The following PIBF1 variants were observed in gnomAD, a reference collection of about 807,000 sequenced individuals.
The protein encoded by PIBF1 is progesterone-induced-blocking factor 1.
A neutral mutation model predicts 112.5 loss-of-function variants in PIBF1; 90 were observed. The ratio of observed to expected loss-of-function variants is 0.80; its 90% confidence interval spans 0.67 to 0.95. PIBF1 has a LOEUF of 0.95. Among genes scored for constraint, PIBF1 ranks in the 40% least tolerant of loss-of-function variants. The pLI, the probability that PIBF1 is intolerant of heterozygous loss-of-function variation, is 0.00. For synonymous variants in PIBF1, 301 were observed against 288.6 expected (o/e 1.04, Z -0.44); for missense variants, 915 against 852.3 (o/e 1.07, Z -0.92).
Position 72,933,256 on chromosome 13 carries a change from G to A in PIBF1, c.1833+1989G>A, listed in dbSNP as rs573358746. 8.5e-5 allele frequency among the ~76,000 whole-genome samples: 13 copies of A among 152,336 alleles called. 1 individual carries two copies. The South Asian group carries it at 1.9e-3, about 22-fold the overall frequency. On this transcript the variant is annotated intron_variant, in intron 14 of 17. Transcript: ENST00000326291. Reference sequence around the variant, plus strand: ...TTGAAATAAGAATTTCTAAATGTGGGCTGGATGCAGTGGCTCATGCCTATT... The same window carrying A: ...TTGAAATAAGAATTTCTAAATGTGGACTGGATGCAGTGGCTCATGCCTATT...
intron 16 of PIBF1, among the ~76,000 whole-genome samples, chr13:72,991,014 G>A (rs771880470): frequency 5.3e-5 from 8 of 152,150 alleles, no homozygotes; most frequent in Non-Finnish European, 1.0e-4. Context: ...ATTTACCAGT[G>A]GAGCACATAG....
intron 9 of PIBF1, 116 bp downstream of exon 9, chr13:72,835,484 CT>C: frequency 1.4e-6 from 1 of 720,744 alleles, no homozygotes. Context: ...TTAGAGAAAA[CT>C]TGTCATAAAT....
At chr13:72,860,251 T>C (rs1232077885) in intron 10 of PIBF1, among the ~76,000 whole-genome samples, 2 of 151,800 alleles carry the variant, frequency 1.3e-5, no homozygotes, top group East Asian at 3.9e-4. Context: ...CACAAGCTAA[T>C]TTTGAGGATA....
Position 72,893,914 on chromosome 13 carries a change from C to A in PIBF1, c.1453C>A (p.Gln485Lys), listed in dbSNP as rs539010725. Residue 485 changes from glutamine (Q) to lysine (K), a missense_variant, in exon 11 of 18, where the codon CAA (glutamine) becomes AAA (lysine). By Grantham distance (53) the Gln-to-Lys change is moderately conservative (BLOSUM62 1). Coordinates refer to ENST00000326291, the MANE Select transcript of PIBF1 (RefSeq NM_006346.4). The stretch of plus-strand genomic sequence containing the variant: ...AACAGCAAGAAATCTCACACAGTGT[C>A]AATTGGAATGTGAAAAATATCAGAA... ...EETARNLTQCQLECEKYQKKL... is the reference protein window; with the variant it reads ...EETARNLTQCKLECEKYQKKL... The A allele has an allele frequency of 2.5e-6, 4 of 1,605,276 alleles. No homozygotes were observed. In the Admixed American group the frequency reaches 6.8e-5, roughly 27 times the overall value.
intron 2 of PIBF1, among the ~76,000 whole-genome samples, chr13:72,784,684 G>A (rs992097165): frequency 4.6e-5 from 7 of 151,740 alleles, no homozygotes; most frequent in African/African-American, 1.5e-4. Flanking sequence ...ACTTGAATCC[G>A]GGGGCAGACA....
intron 13 of PIBF1, among the ~76,000 whole-genome samples, chr13:72,929,248 C>T (rs994153536): frequency 6.6e-6 from 1 of 152,140 alleles, no homozygotes; most frequent in African/African-American, 2.4e-5. Flanking sequence ...TAAACTGATG[C>T]TTGCAAACGT....
At chr13:72,972,455 G>A (rs1448330368) in intron 15 of PIBF1, among the ~76,000 whole-genome samples, 1 of 152,166 alleles carries the variant, frequency 6.6e-6, no homozygotes, top group Non-Finnish European at 1.5e-5. Context: ...CGTGAGGTCA[G>A]GAATTCGAGA....
chr13:72,918,439 G>A (rs2041175982), intron 13 of PIBF1, among the ~76,000 whole-genome samples: 1 of 145,350 alleles, frequency 6.9e-6, no homozygotes, highest in Non-Finnish European at 1.5e-5. Flanking sequence ...CAGGCCTGGA[G>A]TGCAATGGCA....
intron 5 of PIBF1, among the ~76,000 whole-genome samples, chr13:72,799,654 A>T (rs1004519196): frequency 2.6e-4 from 40 of 152,250 alleles, no homozygotes; most frequent in African/African-American, 9.6e-4. Context: ...GCCTTGGGCA[A>T]ATCATTTATA....
At chr13:72,782,818 G>A (rs1470836713) in intron 1 of PIBF1, among the ~76,000 whole-genome samples, 1 of 151,656 alleles carries the variant, frequency 6.6e-6, no homozygotes, top group Admixed American at 6.6e-5. Flanking sequence ...ATTGCCTGTA[G>A]AATAAAATCC....
At chr13:72,811,794 C>A (rs2036033121) in intron 5 of PIBF1, among the ~76,000 whole-genome samples, 1 of 152,056 alleles carries the variant, frequency 6.6e-6, no homozygotes. Context: ...CTTCACAAAC[C>A]TGTTAAGTTT....
chr13:72,784,171 T>C (rs2034463503), intron 2 of PIBF1, among the ~76,000 whole-genome samples: 1 of 150,902 alleles, frequency 6.6e-6, no homozygotes, highest in African/African-American at 2.5e-5. Context: ...CAAAACATTA[T>C]GTTGTACATG....
rs374331152 is a variant in PIBF1, at chr13:72,858,023, TTGTG to T, written c.1322+3900_1322+3903del. 7.9e-3 allele frequency among the ~76,000 whole-genome samples: 1,111 copies of T among 141,238 alleles called. 16 individuals are homozygous for T. Among genetic ancestry groups the T allele is most frequent in the African/African-American group, 7.9e-3 (295 of 37,518 alleles). The allele number at this position is 141,238 out of a possible 152,430, so 92.7% of individuals were successfully genotyped here. ...TACCTATCAGAAGTACAAATGTACA[TTGTG>T]TGTGTGTGTGTGTGTGTGTGTGTGT... On this transcript the variant is annotated intron_variant, in intron 10 of 17. Coordinates refer to ENST00000326291, the MANE Select transcript of PIBF1 (RefSeq NM_006346.4).
chr13:72,885,911 T>G (rs1474182823), intron 10 of PIBF1, among the ~76,000 whole-genome samples: 1 of 152,138 alleles, frequency 6.6e-6, no homozygotes, highest in Non-Finnish European at 1.5e-5. Context: ...ATGACTCTGG[T>G]TGCTGTATTC....
chr13:72,835,432 GA>G, intron 9 of PIBF1, 64 bp downstream of exon 9: 1 of 1,229,312 alleles, frequency 8.1e-7, no homozygotes, highest in South Asian at 1.7e-5. Context: ...AAGCTTTATT[GA>G]AATTAAATGC....
In PIBF1 at chr13:73,013,192, T is replaced by A. The variant is rs189540730; in HGVS notation, c.2224-2677T>A. 6.3e-3 allele frequency among the ~76,000 whole-genome samples: 941 copies of A among 148,994 alleles called. 2 individuals are homozygous for A. Among genetic ancestry groups the A allele is most frequent in the Middle Eastern group, 0.01 (3 of 288 alleles). ...GGCGGGCACCTGTAGTCCCAGCTAC[T>A]CGGGAGGCTGAGGCAGGAGAATGGC... On this transcript the variant is annotated intron_variant, in intron 17 of 17. Transcript: ENST00000326291.
At chr13:73,011,495 G>A (rs1386166487) in intron 17 of PIBF1, among the ~76,000 whole-genome samples, 1 of 152,126 alleles carries the variant, frequency 6.6e-6, no homozygotes, top group African/African-American at 2.4e-5. Context: ...CTCCCTTCAG[G>A]AGAAGCTATT....
chr13:72,961,338 T>C (rs569376770), intron 14 of PIBF1, among the ~76,000 whole-genome samples: 1 of 152,210 alleles, frequency 6.6e-6, no homozygotes, highest in African/African-American at 2.4e-5. Flanking sequence ...GCTCCTGGGC[T>C]TCTAATCACT....
chr13:72,832,071 C>CTTTTTTTTTTTTTT lies in PIBF1; in HGVS notation c.1098-3172_1098-3171insTTTTTTTTTTTTTT, dbSNP rs1491281184. Among the ~76,000 whole-genome samples, 28 of 59,494 alleles carry CTTTTTTTTTTTTTT rather than the reference C, an allele frequency of 4.7e-4. 8 individuals carry two copies. The highest frequency in any genetic ancestry group is 1.3e-3 in the Admixed American group (5 of 3,934). The allele number at this position is 59,494 out of a possible 152,430, so 39.0% of individuals were successfully genotyped here. The stretch of plus-strand genomic sequence containing the variant: ...TCAGAGATTAGAATTGCAATTCCGG[C>CTTTTTTTTTTTTTT]CTTTTTTTTTTTTTTTTTTTTTTTT... On this transcript the variant is annotated intron_variant, in intron 8 of 17. Transcript: ENST00000326291.
Sources: allele counts gnomAD v4.1 joint callset (sites outside exome capture counted in the v4.1 genomes callset), GRCh38; gene constraint gnomAD v4.1.1; transcripts MANE v1.5; gene names NCBI Gene and HGNC (gene_info 2026-07-23, HGNC 2026-07-21).